Variants in TSC2 observed in about 807,000 individuals in gnomAD.
TSC2 encodes TSC complex subunit 2.
A neutral mutation model predicts 202.2 loss-of-function variants in TSC2; 29 were observed. The observed-to-expected ratio is 0.14, with a 90% CI of 0.11 to 0.20. The LOEUF (loss-of-function observed/expected upper bound fraction) is 0.20. Among genes scored for constraint, TSC2 ranks in the 10% least tolerant of loss-of-function variants. The pLI is 1.00. For missense variants in TSC2, 2,429 were observed against 2,420.0 expected (o/e 1.00, Z -0.08); for synonymous variants, 1,349 against 1,044.0 (o/e 1.29, Z -5.63).
chr16:2,060,944 G>C, intron 11 of TSC2, 131 bp downstream of exon 11: 1 of 1,194,124 alleles, frequency 8.4e-7, no homozygotes, highest in Non-Finnish European at 1.2e-6. Flanking sequence ...GTTCTCTGGT[G>C]ATTCGCAGTG....
At position 2,079,716 on chromosome 16, in the gene TSC2, C is replaced by T. The variant is rs1416278834; in HGVS notation, c.3397+47C>T. ...CTCCACACAGGCACCGGGGCTCCCT[C>T]AGTTGCTGCTGGTCCCAGTGTTCAG... On this transcript the variant is annotated intron_variant, in intron 29 of 41. Transcript: ENST00000219476. The surrounding 1 kb of genome is among the most constrained non-coding windows in gnomAD (Gnocchi z 4.6). 6.5e-7 allele frequency: 1 copy of T among 1,530,102 alleles called. No individual in the cohort carries two copies. 94.8% of individuals were successfully genotyped at this position (1,530,102 alleles called of 1,614,324 possible).
chr16:2,076,219 G>C (rs2151390534), intron 24 of TSC2, 49 bp downstream of exon 24: 1 of 1,611,074 alleles, frequency 6.2e-7, no homozygotes, highest in Non-Finnish European at 8.5e-7. Flanking sequence ...GCCAGGGCTT[G>C]CTTTGCCCTT....
At chr16:2,070,782 C>T (rs1195768843) in intron 17 of TSC2, among the ~76,000 whole-genome samples, 3 of 152,358 alleles carry the variant, frequency 2.0e-5, no homozygotes, top group East Asian at 1.9e-4. Flanking sequence ...TGTGGCTTGT[C>T]GCTCTAAGCC....
In TSC2 at chr16:2,057,112, G is replaced by T. The variant is rs45502703; in HGVS notation, c.782G>T (p.Arg261Leu). The T allele has an allele frequency of 6.4e-7, 1 of 1,551,438 alleles. No individual in the cohort carries two copies. Among genetic ancestry groups the T allele is most frequent in the Admixed American group, 2.0e-5 (1 of 51,012 alleles). The change falls in exon 9 of 42, where the codon CGG (arginine) becomes CTG (leucine). Residue 261 changes from arginine (R) to leucine (L), a missense_variant. Physicochemically the swap from Arg to Leu is moderately radical, Grantham distance 102 (BLOSUM62 -2). Transcript: ENST00000219476. ...ACGCATTGTGTCTCGCAGCTGATGC[G>T]GAACCTCCTTGGCACCCACCTGGGC... ...ELCEPCWKLM[R>L]NLLGTHLGHS...
chr16:2,085,056 C>A (rs1489094068), intron 35 of TSC2, 30 bp downstream of exon 35: 2 of 1,612,546 alleles, frequency 1.2e-6, no homozygotes, highest in Non-Finnish European at 8.5e-7. Context: ...CCTGCATCCG[C>A]TGGAGCTGTG....
chr16:2,064,964 A>G, intron 15 of TSC2: 1 of 196,894 alleles, frequency 5.1e-6, no homozygotes, highest in South Asian at 9.2e-5. Flanking sequence ...AAATATAAAA[A>G]TTAGCTGCAC....
At chr16:2,082,850 G>A (rs2090306404) in intron 32 of TSC2, 1 of 447,752 alleles carries the variant, frequency 2.2e-6, no homozygotes, top group Non-Finnish European at 4.2e-6. Flanking sequence ...CCACCCCTGG[G>A]CCTGCACCGA....
At chr16:2,087,754 A>G (rs966688158) in intron 38 of TSC2, 109 bp from the exon 39 acceptor site, 30 of 1,340,322 alleles carry the variant, frequency 2.2e-5, no homozygotes, top group Non-Finnish European at 3.0e-5. Flanking sequence ...TCAGGGGCAG[A>G]TGCTGCCCAT....
At chr16:2,060,843 A>G in intron 11 of TSC2, 30 bp downstream of exon 11, 2 of 1,611,138 alleles carry the variant, frequency 1.2e-6, no homozygotes, top group Non-Finnish European at 1.7e-6. Flanking sequence ...TCCGGGGAGC[A>G]CCGGGAACCC....
At chr16:2,051,491 T>C (rs772564336) in intron 3 of TSC2, among the ~76,000 whole-genome samples, 2 of 152,130 alleles carry the variant, frequency 1.3e-5, no homozygotes, top group Non-Finnish European at 2.9e-5. Flanking sequence ...GTCGGTGGTA[T>C]TGGGCGACCT....
intron 15 of TSC2, chr16:2,065,310 G>A (rs2087177115): frequency 8.8e-6 from 5 of 570,094 alleles, no homozygotes; most frequent in South Asian, 3.7e-5. Context: ...CTACTGGGGA[G>A]GCTGAGGCAG....
chr16:2,087,698 C>T (rs961251986), intron 38 of TSC2, among the ~76,000 whole-genome samples, 165 bp from the exon 39 acceptor site: 1 of 152,174 alleles, frequency 6.6e-6, no homozygotes, highest in Non-Finnish European at 1.5e-5. Context: ...GGGGCTTGGC[C>T]TGGGGGAGGC....
chr16:2,078,835 C>T, intron 26 of TSC2, 197 bp from the exon 27 acceptor site: 1 of 676,670 alleles, frequency 1.5e-6, no homozygotes. Flanking sequence ...TCTTCCCCAC[C>T]CAGCGTCTCC....
intron 36 of TSC2, among the ~76,000 whole-genome samples, chr16:2,085,935 G>GAGGGGCC (rs755677955): frequency 7.2e-5 from 11 of 152,192 alleles, no homozygotes; most frequent in Non-Finnish European, 1.2e-4. Flanking sequence ...GCAGGCTGCT[G>GAGGGGCC]AGGGGCCAGG....
chr16:2,072,428 G>A, intron 20 of TSC2, 65 bp downstream of exon 20: 1 of 1,604,564 alleles, frequency 6.2e-7, no homozygotes, highest in Non-Finnish European at 8.5e-7. Context: ...AAGACTGCGA[G>A]CCTCTGGGCA....
At position 2,076,214 on chromosome 16, in the gene TSC2, G is replaced by C. The variant is rs1476532378; in HGVS notation, c.2742+44G>C. On this transcript the variant is annotated intron_variant, in intron 24 of 41. Transcript: ENST00000219476. Reference sequence around the variant, plus strand: ...AAGGCTGTGTCTCTCGGTAGGCCAGGGCTTGCTTTGCCCTTGGCTGTCCAT... The same window carrying C: ...AAGGCTGTGTCTCTCGGTAGGCCAGCGCTTGCTTTGCCCTTGGCTGTCCAT... The C allele has an allele frequency of 5.0e-6, 8 of 1,611,602 alleles. No homozygotes were observed. The South Asian group carries it at 8.8e-5, about 18-fold the overall frequency.
chr16:2,048,484 T>G, intron 1 of TSC2, 103 bp from the exon 2 acceptor site: 1 of 1,436,742 alleles, frequency 7.0e-7, no homozygotes, highest in Non-Finnish European at 9.7e-7. Flanking sequence ...GAGGAAAGGT[T>G]ATGCCCACCA....
chr16:2,061,665 G>C (rs2151150023), intron 11 of TSC2: 1 of 765,582 alleles, frequency 1.3e-6, no homozygotes, highest in South Asian at 1.6e-5. Context: ...GTGGGTCAGG[G>C]TGGCCCCTGG....
Position 2,081,620 on chromosome 16 carries a change from G to A in TSC2, c.3636G>A (p.Leu1212=), listed in dbSNP as rs778744545. Residue 1212 remains leucine (L), a synonymous_variant, in exon 31 of 42, where the codon CTG becomes CTA. Coordinates refer to ENST00000219476, the MANE Select transcript of TSC2 (RefSeq NM_000548.5). ...PTGNTSWLMS[L]ENPLSPFSSD... ...GGAACACCAGCTGGCTGATGAGCCT[G>A]GAGAACCCGCTCAGCCCTTTCTCCT... is the stretch of plus-strand genomic sequence containing the variant. 3.1e-6 allele frequency: 5 copies of A among 1,612,888 alleles called. No homozygotes were observed. The highest frequency in any genetic ancestry group is 4.2e-6 in the Non-Finnish European group (5 of 1,180,002).
Sources: gnomAD v4.1 joint callset for allele counts (sites outside exome capture counted in the v4.1 genomes callset) on GRCh38, gnomAD v4.1.1 for gene constraint, Gnocchi (gnomAD v3.1) non-coding constraint, MANE v1.5 for transcripts, NCBI Gene and HGNC (gene_info 2026-07-23, HGNC 2026-07-21) for gene names.